The following ZNF737 variants were observed in gnomAD, a reference collection of about 807,000 sequenced individuals.
The protein encoded by ZNF737 is zinc finger protein 737.
In ZNF737, 13 loss-of-function variants were observed where a neutral mutation model predicts 11.7. That is an observed-to-expected ratio of 1.11 (90% confidence interval 0.73 to 1.77). The LOEUF is 1.77. ZNF737 is among the 40% of genes most tolerant of loss of function. The pLI is 0.00. For missense variants in ZNF737, 636 were observed against 638.0 expected, an observed-to-expected ratio of 1.00 and a Z score of 0.03; for synonymous variants, 217 against 216.2, an observed-to-expected ratio of 1.00 and a Z score of -0.03.
At chr19:20,536,333 C>T (rs182324273), downstream of ZNF737, among the ~76,000 whole-genome samples, 691 of 152,174 alleles carry the variant, frequency 4.5e-3, 4 homozygotes, top group Non-Finnish European at 7.7e-3. Context: ...AAAAATATGA[C>T]CTCACACTAA....
Position 20,539,628 on chromosome 19 carries a change from T to C in ZNF737, c.*4964A>G. On this transcript the variant is annotated 3_prime_UTR_variant, in exon 4 of 4. Coordinates refer to ENST00000427401, the MANE Select transcript of ZNF737 (RefSeq NM_001159293.2). ...ATATTCATATTAATGTGTTTACAGT[T>C]TAATCTTGTATTACAGTATAGTAGA... The C allele has an allele frequency of 2.1e-6, 2 of 954,424 alleles. No individual in the cohort carries two copies. Among genetic ancestry groups the C allele is most frequent in the Non-Finnish European group, 2.5e-6 (2 of 801,770 alleles). 59.1% of individuals were successfully genotyped at this position (954,424 alleles called of 1,614,324 possible). A position where few individuals can be genotyped will look rare whatever the true frequency, so the allele number is the denominator to read the frequency against.
At chr19:20,559,950 A>G (rs1969021676) in intron 1 of ZNF737, among the ~76,000 whole-genome samples, 1 of 151,626 alleles carries the variant, frequency 6.6e-6, no homozygotes, top group South Asian at 2.1e-4. Context: ...GTGGATCATG[A>G]GGTCAGGAGA....
intron 1 of ZNF737, among the ~76,000 whole-genome samples, chr19:20,561,171 G>A (rs1465525198): frequency 6.6e-6 from 1 of 152,188 alleles, no homozygotes; most frequent in Non-Finnish European, 1.5e-5. Flanking sequence ...TTATTACTGT[G>A]TGCACGCAGA....
At chr19:20,530,426 C>T in the ZNF737 span, among the ~76,000 whole-genome samples, 1 of 149,750 alleles carries the variant, frequency 6.7e-6, no homozygotes, top group Non-Finnish European at 1.5e-5. Context: ...CACCTCCCTC[C>T]TGGGCGGGGT....
chr19:20,549,425 C>A (rs1399091324), intron 3 of ZNF737, among the ~76,000 whole-genome samples: 1 of 152,024 alleles, frequency 6.6e-6, no homozygotes, highest in Non-Finnish European at 1.5e-5. Context: ...GCCAGCAGTT[C>A]CAGACCACAT....
downstream of ZNF737, among the ~76,000 whole-genome samples, chr19:20,535,565 A>G (rs1967939426): frequency 6.7e-6 from 1 of 148,776 alleles, no homozygotes. Context: ...TGCTTTTGTC[A>G]CCCAAGCTGG....
At chr19:20,546,286 A>G (rs572333124) in intron 3 of ZNF737, among the ~76,000 whole-genome samples, 1 of 152,300 alleles carries the variant, frequency 6.6e-6, no homozygotes, top group South Asian at 2.1e-4. Flanking sequence ...CCAGTATAAT[A>G]TTGTGCCTTT....
chr19:20,552,845 C>T (rs1243860691), intron 2 of ZNF737, among the ~76,000 whole-genome samples: 1 of 151,900 alleles, frequency 6.6e-6, no homozygotes, highest in African/African-American at 2.4e-5. Flanking sequence ...AACCCCATCT[C>T]TACTAAAAAT....
At chr19:20,554,165 T>C (rs553497619) in intron 1 of ZNF737, among the ~76,000 whole-genome samples, 5 of 152,302 alleles carry the variant, frequency 3.3e-5, no homozygotes, top group Admixed American at 6.5e-5. Context: ...GACAAAGACA[T>C]GTTGAGTTTA....
In ZNF737 at chr19:20,541,574, C is replaced by T; in HGVS notation, c.*3018G>A. 4.0e-6 allele frequency: 1 copy of T among 247,366 alleles called. No individual in the cohort carries two copies. The highest frequency in any genetic ancestry group is 1.8e-4 in the East Asian group (1 of 5,548). 15.3% of individuals were successfully genotyped at this position (247,366 alleles called of 1,614,324 possible). A position where few individuals can be genotyped will look rare whatever the true frequency, so the allele number is the denominator to read the frequency against. ...CGATTCTCCTGCCTCAGCCTCCTGG[C>T]ATGTGCCACCATGCCTAATTTTTGT... On this transcript the variant is annotated 3_prime_UTR_variant, in exon 4 of 4. Transcript: ENST00000427401.
chr19:20,533,177 G>A (rs1555753193), downstream of ZNF737, among the ~76,000 whole-genome samples: 1 of 149,950 alleles, frequency 6.7e-6, no homozygotes, highest in Non-Finnish European at 1.5e-5. Context: ...TTCCAGAAGC[G>A]CACAACAAAG....
downstream of ZNF737, among the ~76,000 whole-genome samples, chr19:20,532,428 G>T (rs1270279244): frequency 2.0e-5 from 3 of 149,676 alleles, 1 homozygote; most frequent in Non-Finnish European, 4.4e-5. Context: ...ATACCCATGT[G>T]ACTCATTTTG....
rs185428336 is a variant in ZNF737 at position 20,543,051 on chromosome 19, T to A, written c.*1541A>T. ...TTCAATGCTCTGATTTAGTGTAATG[T>A]CTGAAGTGTCGGGGCCTTAGTTATT... On this transcript the variant is annotated 3_prime_UTR_variant, in exon 4 of 4. Coordinates refer to ENST00000427401, the MANE Select transcript of ZNF737 (RefSeq NM_001159293.2). 153 of 985,172 alleles carry A rather than the reference T, an allele frequency of 1.6e-4. No individual in the cohort carries two copies. The African/African-American group carries it at 2.4e-3, about 16-fold the overall frequency. 61.0% of individuals were successfully genotyped at this position (985,172 alleles called of 1,614,324 possible).
chr19:20,552,624 G>A, intron 2 of ZNF737, 54 bp from the exon 3 acceptor site: 1 of 1,257,468 alleles, frequency 8.0e-7, no homozygotes, highest in Non-Finnish European at 1.1e-6. Context: ...CCAATTACAA[G>A]CTAGTAATGT....
In ZNF737 at chr19:20,541,422, C is replaced by G; in HGVS notation, c.*3170G>C. 1.0e-6 allele frequency: 1 copy of G among 980,106 alleles called. No individual in the cohort carries two copies. Among genetic ancestry groups the G allele is most frequent in the Non-Finnish European group, 1.2e-6 (1 of 825,174 alleles). The allele number at this position is 980,106 out of a possible 1,614,324, so 60.7% of individuals were successfully genotyped here. A position where few individuals can be genotyped will look rare whatever the true frequency, so the allele number is the denominator to read the frequency against. ...TATATTACAAGTATTTATAATTTTTCAGGACTCAGAAATGTATGGATTTTA... is the reference window on the plus strand; with the variant it reads ...TATATTACAAGTATTTATAATTTTTGAGGACTCAGAAATGTATGGATTTTA... On this transcript the variant is annotated 3_prime_UTR_variant, in exon 4 of 4. Coordinates refer to ENST00000427401, the MANE Select transcript of ZNF737 (RefSeq NM_001159293.2).
In ZNF737 at chr19:20,538,816, T is replaced by G; in HGVS notation, c.*5776A>C. The G allele has an allele frequency of 2.0e-6, 2 of 985,394 alleles. No homozygotes were observed. The highest frequency in any genetic ancestry group is 2.4e-6 in the Non-Finnish European group (2 of 829,890). 61.0% of individuals were successfully genotyped at this position (985,394 alleles called of 1,614,324 possible). ...ATAGCTAGATAATTACCAACTTTAG[T>G]CATACTATTTTTTAGCAACTAATGG... On this transcript the variant is annotated 3_prime_UTR_variant, in exon 4 of 4. Transcript: ENST00000427401.
intron 1 of ZNF737, among the ~76,000 whole-genome samples, chr19:20,556,109 C>T (rs1555761069): frequency 6.6e-6 from 1 of 152,176 alleles, no homozygotes; most frequent in African/African-American, 2.4e-5. Flanking sequence ...CAGACACCAT[C>T]CATTTCTGCT....
intron 3 of ZNF737, among the ~76,000 whole-genome samples, chr19:20,549,213 A>C (rs1379793441): frequency 6.6e-6 from 1 of 152,188 alleles, no homozygotes; most frequent in Non-Finnish European, 1.5e-5. Context: ...ATTATGATAG[A>C]TATGCATAAT....
At chr19:20,552,050 G>A (rs547551125) in intron 3 of ZNF737, among the ~76,000 whole-genome samples, 21 of 148,972 alleles carry the variant, frequency 1.4e-4, no homozygotes, top group Non-Finnish European at 2.4e-4. Context: ...AAAATAGAAA[G>A]GACTACATAG....
Sources: gnomAD v4.1 joint callset for allele counts (sites outside exome capture counted in the v4.1 genomes callset) on GRCh38, gnomAD v4.1.1 for gene constraint, MANE v1.5 for transcripts, NCBI Gene and HGNC (gene_info 2026-07-23, HGNC 2026-07-21) for gene names.